Variants in KIF6 observed in about 807,000 individuals in gnomAD.
KIF6 encodes kinesin family member 6, also known as kinesin-like protein KIF6.
A neutral mutation model predicts 112.7 loss-of-function variants in KIF6; 106 were observed. That is an observed-to-expected ratio of 0.94 (90% CI 0.80 to 1.11). The LOEUF is 1.11. Ranked by LOEUF, KIF6 falls within the 50% of genes least tolerant of loss-of-function variation. The pLI is 0.00. For missense variants in KIF6, 929 were observed against 964.0 expected, an observed-to-expected ratio of 0.96 and a Z score of 0.48; for synonymous variants, 339 against 339.9, an observed-to-expected ratio of 1.00 and a Z score of 0.03.
At chr6:39,702,700 C>T (rs1788940951) in intron 3 of KIF6, among the ~76,000 whole-genome samples, 1 of 152,164 alleles carries the variant, frequency 6.6e-6, no homozygotes, top group South Asian at 2.1e-4. Flanking sequence ...CCAAGGCAGT[C>T]AGGATCTTTC....
intron 13 of KIF6, among the ~76,000 whole-genome samples, chr6:39,506,499 C>T (rs1339378631): frequency 6.6e-6 from 1 of 152,066 alleles, no homozygotes; most frequent in Non-Finnish European, 1.5e-5. Context: ...GCACATGTAT[C>T]CCTGAACTTT....
intron 16 of KIF6, among the ~76,000 whole-genome samples, chr6:39,366,477 A>G (rs1765562929): frequency 6.6e-6 from 1 of 152,202 alleles, no homozygotes; most frequent in Admixed American, 6.5e-5. Context: ...CTGCAACATC[A>G]TGCTGGGGAT....
At chr6:39,487,690 T>C (rs1176383524) in intron 13 of KIF6, among the ~76,000 whole-genome samples, 1 of 152,214 alleles carries the variant, frequency 6.6e-6, no homozygotes, top group East Asian at 1.9e-4. Context: ...AATTCACCAC[T>C]GAATCCAGGT....
At chr6:39,645,101 C>G (rs186685857) in intron 3 of KIF6, among the ~76,000 whole-genome samples, 2 of 152,056 alleles carry the variant, frequency 1.3e-5, no homozygotes, top group Non-Finnish European at 2.9e-5. Flanking sequence ...ATAAATCAAC[C>G]CTTTATAAAC....
chr6:39,408,643 CTCTT>C (rs1769261187), intron 15 of KIF6, among the ~76,000 whole-genome samples: 2 of 152,090 alleles, frequency 1.3e-5, no homozygotes, highest in African/African-American at 2.4e-5. Flanking sequence ...CTCTCTCTCT[CTCTT>C]TCTTTCTCTC....
chr6:39,609,130 C>T (rs1002175913), intron 6 of KIF6, among the ~76,000 whole-genome samples: 1 of 152,110 alleles, frequency 6.6e-6, no homozygotes, highest in African/African-American at 2.4e-5. Context: ...AGAAGGTCTC[C>T]AAAGCTCATG....
At chr6:39,426,241 A>G (rs187042025) in intron 14 of KIF6, among the ~76,000 whole-genome samples, 2 of 152,302 alleles carry the variant, frequency 1.3e-5, no homozygotes, top group African/African-American at 2.4e-5. Flanking sequence ...GTGAATTGCA[A>G]TTGTTCTCTG....
intron 13 of KIF6, among the ~76,000 whole-genome samples, chr6:39,510,553 A>C (rs903982248): frequency 3.9e-5 from 6 of 152,192 alleles, no homozygotes; most frequent in Non-Finnish European, 5.9e-5. Flanking sequence ...GAATCACTAA[A>C]CATGGAAAGG....
chr6:39,533,274 A>T (rs1778183526), intron 13 of KIF6, among the ~76,000 whole-genome samples: 1 of 152,234 alleles, frequency 6.6e-6, no homozygotes, highest in African/African-American at 2.4e-5. Flanking sequence ...AAGGGGTGAC[A>T]GATGGCACCC....
chr6:39,632,061 A>G (rs1784378115), intron 5 of KIF6, among the ~76,000 whole-genome samples: 1 of 152,222 alleles, frequency 6.6e-6, no homozygotes, highest in Non-Finnish European at 1.5e-5. Context: ...CTATAGCAAC[A>G]TTTGAAAAAA....
At chr6:39,477,459 G>C (rs916314832) in intron 13 of KIF6, among the ~76,000 whole-genome samples, 13 of 152,202 alleles carry the variant, frequency 8.5e-5, no homozygotes, top group African/African-American at 2.7e-4. Flanking sequence ...TTAAAAAAGA[G>C]ATAAGGGGTT....
chr6:39,488,007 A>ATCTATCTG (rs1562258409), intron 13 of KIF6, among the ~76,000 whole-genome samples: 1 of 151,958 alleles, frequency 6.6e-6, no homozygotes, highest in African/African-American at 2.4e-5. Context: ...CTATCTATCT[A>ATCTATCTG]TCTATCTAAT....
chr6:39,489,799 G>A (rs1007953708), intron 13 of KIF6, among the ~76,000 whole-genome samples: 1 of 152,194 alleles, frequency 6.6e-6, no homozygotes, highest in Admixed American at 6.5e-5. Context: ...ATTGTTATCA[G>A]TCATTTCAAA....
At chr6:39,668,892 T>C (rs1028465136) in intron 3 of KIF6, among the ~76,000 whole-genome samples, 4 of 152,094 alleles carry the variant, frequency 2.6e-5, no homozygotes, top group African/African-American at 9.7e-5. Context: ...GAAATTTATG[T>C]GGAAAAAAAT....
intron 3 of KIF6, 23 bp downstream of exon 3, chr6:39,714,669 G>C (rs1194633343): frequency 1.3e-6 from 2 of 1,591,138 alleles, no homozygotes; most frequent in Admixed American, 3.3e-5. Context: ...CGAGCCCACT[G>C]AACAAAATAT....
chr6:39,651,180 G>A (rs954303715), intron 3 of KIF6, among the ~76,000 whole-genome samples: 6 of 152,172 alleles, frequency 3.9e-5, no homozygotes, highest in Non-Finnish European at 7.4e-5. Flanking sequence ...TGAGAAAACT[G>A]TGTTTTCCTA....
chr6:39,421,559 CCACGACTGCT>C (rs1235245424), intron 14 of KIF6, among the ~76,000 whole-genome samples: 3 of 152,144 alleles, frequency 2.0e-5, no homozygotes, highest in East Asian at 3.9e-4. Context: ...GGCCAGAGTG[CCACGACTGCT>C]CTGTGTTGGA....
chr6:39,655,156 T>A lies in KIF6; in HGVS notation c.252-15399A>T, dbSNP rs184300198. Among the ~76,000 whole-genome samples, 77 of 152,336 alleles carry A rather than the reference T, an allele frequency of 5.1e-4. No homozygotes were observed. In the East Asian group the frequency reaches 0.014, roughly 28 times the overall value. The stretch of plus-strand genomic sequence containing the variant: ...AATTTGATGAAAGAGATATTTCTTA[T>A]TTTAAATTTTCTTTTATCTGATTGT... On this transcript the variant is annotated intron_variant, in intron 3 of 22. Transcript: ENST00000287152.
In KIF6 at chr6:39,586,387, T is replaced by C. The variant is rs1781641836; in HGVS notation, c.864A>G (p.Ser288=). 1 of 1,614,066 alleles carries C rather than the reference T, an allele frequency of 6.2e-7. No individual in the cohort carries two copies. Among genetic ancestry groups the C allele is most frequent in the Non-Finnish European group, 8.5e-7 (1 of 1,179,954 alleles). The change falls in exon 8 of 23, where the codon TCA becomes TCG. Residue 288 remains serine, a synonymous_variant. Transcript: ENST00000287152. ...HYLEQVIIAL[S]EKHRSHIPYR... ...AAGGAATGTGCGAACGGTGCTTTTC[T>C]GAAAGGGCAATGATAACCTGTGGTA... is the stretch of plus-strand genomic sequence containing the variant.
Sources: allele counts gnomAD v4.1 joint callset (sites outside exome capture counted in the v4.1 genomes callset), GRCh38; gene constraint gnomAD v4.1.1; transcripts MANE v1.5; gene names NCBI Gene and HGNC (gene_info 2026-07-23, HGNC 2026-07-21).